Variants in LY75 observed in about 807,000 individuals in gnomAD.
LY75 encodes lymphocyte antigen 75, also known as C-type lectin domain family 13 member B.
Under a neutral mutation model 231.7 loss-of-function variants are expected in LY75, and 185 were observed. That is an observed-to-expected ratio of 0.80 (90% CI 0.71 to 0.90). LY75 has a LOEUF of 0.90. Among genes scored for constraint, LY75 ranks in the 40% least tolerant of loss-of-function variants. LY75 has a pLI of 0.00. For missense variants in LY75, 1,947 were observed against 2,050.2 expected, an observed-to-expected ratio of 0.95 and a Z score of 0.97; for synonymous variants, 668 against 689.0, an observed-to-expected ratio of 0.97 and a Z score of 0.48.
intron 33 of LY75, chr2:159,807,803 T>C: frequency 1.0e-6 from 1 of 952,790 alleles, no homozygotes; most frequent in African/African-American, 1.8e-5. Context: ...ATATTTGTAC[T>C]CTTATTTCTA....
chr2:159,904,330 C>T (rs1327851901), intron 1 of LY75, among the ~76,000 whole-genome samples: 2 of 152,236 alleles, frequency 1.3e-5, no homozygotes, highest in African/African-American at 4.8e-5. Context: ...CTCTACGGTG[C>T]ACCGCGTCCC....
At chr2:159,887,053 T>G (rs1055576857) in intron 4 of LY75, among the ~76,000 whole-genome samples, 10 of 151,174 alleles carry the variant, frequency 6.6e-5, no homozygotes, top group African/African-American at 1.9e-4. Context: ...TATGATCAAG[T>G]TTTTCTGGGA....
chr2:159,884,461 C>T (rs1685527475), intron 6 of LY75, among the ~76,000 whole-genome samples: 9 of 152,162 alleles, frequency 5.9e-5, no homozygotes, highest in Admixed American at 5.2e-4. Flanking sequence ...GTTCTTGTGT[C>T]ACTTTCATCC....
At chr2:159,883,611 A>G (rs1217231770) in intron 6 of LY75, among the ~76,000 whole-genome samples, 1 of 152,168 alleles carries the variant, frequency 6.6e-6, no homozygotes, top group Non-Finnish European at 1.5e-5. Flanking sequence ...GTAAATGCAT[A>G]TTATTCAATC....
chr2:159,815,354 A>G (rs1412018611), intron 31 of LY75, 51 bp downstream of exon 31: 1 of 1,536,454 alleles, frequency 6.5e-7, no homozygotes, highest in Non-Finnish European at 8.7e-7. Context: ...TTATGTGCAT[A>G]AATTATGTCA....
At chr2:159,842,586 G>T (rs58092413) in intron 23 of LY75, among the ~76,000 whole-genome samples, 22,623 of 151,962 alleles carry the variant, frequency 0.15, 1,982 homozygotes, top group East Asian at 0.35. Context: ...TGGCAATCTT[G>T]ATAAACATAT....
chr2:159,857,132 A>G (rs562562300), intron 16 of LY75, among the ~76,000 whole-genome samples: 1 of 152,350 alleles, frequency 6.6e-6, no homozygotes, highest in South Asian at 2.1e-4. Context: ...AAAATAATCA[A>G]GAATAACTTA....
intron 23 of LY75, among the ~76,000 whole-genome samples, chr2:159,848,093 T>TATATATATATATACACACACACAC: frequency 2.9e-3 from 82 of 28,542 alleles, no homozygotes; most frequent in African/African-American, 0.011. Context: ...TATATATATA[T>TATATATATATATACACACACACAC]ACACACACAC....
chr2:159,860,776 T>G, intron 15 of LY75, 45 bp downstream of exon 15: 1 of 1,605,674 alleles, frequency 6.2e-7, no homozygotes, highest in Non-Finnish European at 8.5e-7. Context: ...CATATGATGA[T>G]GGACTTATGT....
chr2:159,811,861 G>A (rs1682971615), intron 31 of LY75, among the ~76,000 whole-genome samples: 1 of 152,190 alleles, frequency 6.6e-6, no homozygotes, highest in Non-Finnish European at 1.5e-5. Flanking sequence ...GGACTCCTGG[G>A]TAAGTTTCCC....
intron 5 of LY75, 44 bp from the exon 6 acceptor site, chr2:159,885,337 GGGCC>G: frequency 6.3e-7 from 1 of 1,575,248 alleles, no homozygotes; most frequent in African/African-American, 1.4e-5. Context: ...GAGAAAGTTA[GGGCC>G]AGGATGGTGT....
In LY75 at chr2:159,852,235, T is replaced by C; in HGVS notation, c.2849A>G (p.Gln950Arg). ...KYSPDSAAKV[Q>R]CSEQWIPFQN... The stretch of plus-strand genomic sequence containing the variant: ...AAAAGGAATCCATTGCTCAGAACAT[T>C]GCACTTTAGCTGCAGAATCTGGGCT... The change falls in exon 21 of 35, where the codon CAA becomes CGA. Residue 950 changes from glutamine (Q) to arginine (R), a missense_variant. Coordinates refer to ENST00000263636, the MANE Select transcript of LY75 (RefSeq NM_002349.4). The C allele has an allele frequency of 1.2e-6, 2 of 1,614,040 alleles. No homozygotes were observed. Among genetic ancestry groups the C allele is most frequent in the South Asian group, 2.2e-5 (2 of 91,076 alleles).
At chr2:159,809,494 C>G (rs896250180) in intron 32 of LY75, among the ~76,000 whole-genome samples, 5 of 152,126 alleles carry the variant, frequency 3.3e-5, no homozygotes, top group Non-Finnish European at 4.4e-5. Context: ...AATGGAACAA[C>G]TATAATTTTT....
chr2:159,882,434 G>C lies in LY75; in HGVS notation c.1055-119C>G. 2.2e-6 allele frequency: 3 copies of C among 1,358,452 alleles called. No homozygotes were observed. The South Asian group carries it at 4.3e-5, about 19-fold the overall frequency. 84.1% of individuals were successfully genotyped at this position (1,358,452 alleles called of 1,614,324 possible). ...CTGGAAAACTGGGGACGTGATGTCAGATGCTACGGTGACATGAATTCATGT... is the reference window on the plus strand; with the variant it reads ...CTGGAAAACTGGGGACGTGATGTCACATGCTACGGTGACATGAATTCATGT... On this transcript the variant is annotated intron_variant, in intron 6 of 34. Transcript: ENST00000263636.
intron 30 of LY75, among the ~76,000 whole-genome samples, chr2:159,816,377 T>G (rs1439909023): frequency 6.6e-6 from 1 of 152,226 alleles, no homozygotes; most frequent in Non-Finnish European, 1.5e-5. Flanking sequence ...TAAACTTTTG[T>G]GTTAAAATCT....
intron 28 of LY75, among the ~76,000 whole-genome samples, chr2:159,829,308 C>T (rs764409875): frequency 7.2e-5 from 11 of 152,154 alleles, no homozygotes; most frequent in Non-Finnish European, 1.3e-4. Context: ...CTTCCCTTCT[C>T]CTAAACTTCA....
At chr2:159,843,876 A>G (rs1684117097) in intron 23 of LY75, among the ~76,000 whole-genome samples, 1 of 152,222 alleles carries the variant, frequency 6.6e-6, no homozygotes, top group African/African-American at 2.4e-5. Context: ...GATTGTTTAT[A>G]CAACACATGC....
In LY75 at chr2:159,815,480, C is replaced by T. The variant is rs1215015986; in HGVS notation, c.4474G>A (p.Asp1492Asn). Residue 1492 changes from aspartate (D) to asparagine (N), a missense_variant, in exon 31 of 35, where the codon GAT (aspartate) becomes AAT (asparagine). Transcript: ENST00000263636. ...TCATGTTTCCAAGTTCCTTTTGGAT[C>T]CAAGAGAACACAATTTCCAGGAGAT... Reference protein sequence around the residue: ...QTSPGNCVLLDPKGTWKHEKC... With the variant: ...QTSPGNCVLLNPKGTWKHEKC... 3.7e-6 allele frequency: 6 copies of T among 1,613,664 alleles called. No individual in the cohort carries two copies. Among genetic ancestry groups the T allele is most frequent in the African/African-American group, 1.3e-5 (1 of 74,880 alleles).
At chr2:159,890,441 G>T in intron 3 of LY75, 64 bp from the exon 4 acceptor site, 1 of 1,596,838 alleles carries the variant, frequency 6.3e-7, no homozygotes, top group Non-Finnish European at 8.5e-7. Flanking sequence ...TACTTAGAAT[G>T]CTTAGAAATA....
Sources: gnomAD v4.1 joint callset for allele counts (sites outside exome capture counted in the v4.1 genomes callset) on GRCh38, gnomAD v4.1.1 for gene constraint, MANE v1.5 for transcripts, NCBI Gene and HGNC (gene_info 2026-07-23, HGNC 2026-07-21) for gene names.